Variants in PSTK observed in about 807,000 individuals in gnomAD.
The protein encoded by PSTK is L-seryl-tRNA(Sec) kinase.
A neutral mutation model predicts 38.6 loss-of-function variants in PSTK; 26 were observed. That is an observed-to-expected ratio of 0.67 (90% CI 0.49 to 0.94). PSTK has a LOEUF of 0.94. Ranked by LOEUF, PSTK falls within the 40% of genes least tolerant of loss-of-function variation. The pLI is 0.00. For synonymous variants in PSTK, 181 were observed against 161.7 expected (o/e 1.12, Z -0.91); for missense variants, 445 against 436.3 (o/e 1.02, Z -0.18).
intron 3 of PSTK, 57 bp downstream of exon 3, chr10:122,983,527 G>T: frequency 6.7e-7 from 1 of 1,497,526 alleles, no homozygotes; most frequent in Non-Finnish European, 9.2e-7. Context: ...ATCATGGTCA[G>T]TGCTTTGTCT....
chr10:122,984,517 T>C (rs1471259682), intron 3 of PSTK: 1 of 152,206 alleles, frequency 6.6e-6, no homozygotes, highest in Non-Finnish European at 1.5e-5. Flanking sequence ...CTTAAGGTTA[T>C]AGTTCCCTTA....
chr10:122,981,057 T>TC (rs539709351), intron 1 of PSTK, among the ~76,000 whole-genome samples: 1 of 152,144 alleles, frequency 6.6e-6, no homozygotes, highest in Non-Finnish European at 1.5e-5. Flanking sequence ...CTGTCGAAAA[T>TC]CCCTTAGGAA....
chr10:122,980,534 G>A lies in PSTK; in HGVS notation c.55G>A (p.Gly19Ser), dbSNP rs1848940501. 6.2e-7 allele frequency: 1 copy of A among 1,610,292 alleles called. No homozygotes were observed. Among genetic ancestry groups the A allele is most frequent in the Admixed American group, 1.7e-5 (1 of 59,912 alleles). Residue 19 changes from glycine (G) to serine (S), a missense_variant, in exon 1 of 6, where the codon GGC becomes AGC. By Grantham distance (56) the Gly-to-Ser change is moderately conservative. Coordinates refer to ENST00000406217, the MANE Select transcript of PSTK (RefSeq NM_001363531.2). This position sits in a 1 kb window ranked among gnomAD's most constrained non-coding sequence, Gnocchi z 4.3. ...CGGCAGCGACGGGCCGCGGAAACGA[G>A]GCCTCTGCGTCCTCTGTGGCCTCCC... ...GTGSDGPRKR[G>S]LCVLCGLPAA...
intron 1 of PSTK, 127 bp from the exon 2 acceptor site, chr10:122,982,606 G>A: frequency 1.4e-6 from 1 of 712,438 alleles, no homozygotes; most frequent in Non-Finnish European, 2.4e-6. Context: ...AACCAGGTGT[G>A]TTAGAGAACT....
At position 122,983,456 on chromosome 10, in the gene PSTK, T is replaced by G; in HGVS notation, c.693T>G (p.Cys231Trp). The G allele has an allele frequency of 6.2e-7, 1 of 1,613,196 alleles. No individual in the cohort carries two copies. The highest frequency in any genetic ancestry group is 2.2e-5 in the East Asian group (1 of 44,886). ...HNSLTIPSPACASEASLEVTD... is the reference protein window; with the variant it reads ...HNSLTIPSPAWASEASLEVTD... ...GCCTCACAATTCCGAGTCCAGCATG[T>G]GCTTCGGAGGCCAGGTATTCCACTC... The change falls in exon 3 of 6, where the codon TGT (cysteine) becomes TGG (tryptophan). Residue 231 changes from cysteine (C) to tryptophan (W), a missense_variant. Cys to Trp is a radical substitution (Grantham distance 215). Transcript: ENST00000406217.
chr10:122,986,831 CTA>C lies in PSTK; in HGVS notation c.784-36_784-35del, dbSNP rs749501693. The stretch of plus-strand genomic sequence containing the variant: ...TTCTTTAGCCATTTATTTTATAAAA[CTA>C]TGTGACTTCTAATAACAATGTCTGT... On this transcript the variant is annotated intron_variant, in intron 4 of 5. Coordinates refer to ENST00000406217, the MANE Select transcript of PSTK (RefSeq NM_001363531.2). 1.6e-5 allele frequency: 21 copies of C among 1,308,576 alleles called. No homozygotes were observed. The Admixed American group carries it at 1.6e-4, about 10-fold the overall frequency. 81.1% of individuals were successfully genotyped at this position (1,308,576 alleles called of 1,614,324 possible).
chr10:122,980,629 C>T lies in PSTK; in HGVS notation c.150C>T (p.Ile50=). 6.2e-7 allele frequency: 1 copy of T among 1,611,348 alleles called. No homozygotes were observed. The highest frequency in any genetic ancestry group is 8.5e-7 in the Non-Finnish European group (1 of 1,179,314). ...TGCAGCAGGAGCAGGGTTGGGCCAT[C>T]GGTGTTGTCGCGTATGATGACGTCA... is the stretch of plus-strand genomic sequence containing the variant. The part of the protein sequence containing the change: ...HRLQQEQGWA[I]GVVAYDDVMP... Residue 50 remains isoleucine (I), a synonymous_variant, in exon 1 of 6, where the codon ATC becomes ATT. Transcript: ENST00000406217. This position sits in a 1 kb window ranked among gnomAD's most constrained non-coding sequence, Gnocchi z 4.3.
At chr10:122,982,000 CCTCGTGTTTTCCCT>C (rs977620225) in intron 1 of PSTK, 1 of 152,158 alleles carries the variant, frequency 6.6e-6, no homozygotes, top group African/African-American at 2.4e-5. Flanking sequence ...ACTCCCCTGT[CCTCGTGTTTTCCCT>C]CCAGCTTAGA....
Position 122,986,923 on chromosome 10 carries a change from C to G in PSTK, c.838C>G (p.Leu280Val). 6.2e-7 allele frequency: 1 copy of G among 1,612,528 alleles called. No individual in the cohort carries two copies. Among genetic ancestry groups the G allele is most frequent in the South Asian group, 1.1e-5 (1 of 91,004 alleles). ...CATTCTTCATAAAACTGATCAGACA[C>G]TCCGAAGGATTGTATCTCAGACAAT... ...TNILHKTDQT[L>V]RRIVSQTMKE... Residue 280 changes from leucine to valine, a missense_variant, in exon 5 of 6, where the codon CTC becomes GTC. Leu to Val is a conservative substitution (Grantham distance 32). Coordinates refer to ENST00000406217, the MANE Select transcript of PSTK (RefSeq NM_001363531.2).
At position 122,982,733 on chromosome 10, in the gene PSTK, C is replaced by T. The variant is rs1848979126; in HGVS notation, c.217C>T (p.Pro73Ser). 3 of 1,613,782 alleles carry T rather than the reference C, an allele frequency of 1.9e-6. No homozygotes were observed. The highest frequency in any genetic ancestry group is 1.7e-6 in the Non-Finnish European group (2 of 1,179,748). The change falls in exon 2 of 6, where the codon CCA becomes TCA. Residue 73 changes from proline to serine, a missense_variant and splice_region_variant. Coordinates refer to ENST00000406217, the MANE Select transcript of PSTK (RefSeq NM_001363531.2). ...FLAGARARPA[P>S]SQWKLLRQEL... ...ATTGCAATTCTTTGGTCTCTTGTAG[C>T]CATCCCAATGGAAATTGCTTCGACA...
chr10:122,981,405 C>T (rs1333120183), intron 1 of PSTK, among the ~76,000 whole-genome samples: 3 of 152,208 alleles, frequency 2.0e-5, no homozygotes, highest in Non-Finnish European at 4.4e-5. Context: ...TCATCTCACA[C>T]TCAGCACAGT....
rs1227139048 is a variant in PSTK, at chr10:122,980,727, G to GGGCGGGGCGA, written c.216+41_216+42insAGGCGGGGCG. 2 of 793,572 alleles carry GGGCGGGGCGA rather than the reference G, an allele frequency of 2.5e-6. No homozygotes were observed. The highest frequency in any genetic ancestry group is 3.3e-6 in the Non-Finnish European group (2 of 613,406). The allele number at this position is 793,572 out of a possible 1,614,324, so 49.2% of individuals were successfully genotyped here. On this transcript the variant is annotated intron_variant, in intron 1 of 5. Coordinates refer to ENST00000406217, the MANE Select transcript of PSTK (RefSeq NM_001363531.2). The surrounding 1 kb of genome is among the most constrained non-coding windows in gnomAD (Gnocchi z 4.3). ...ACGGAGGGGCGGGGCCTGGGCCGCGGGGCGGGGCGGGGCGGGGCGGGGCGG... is the reference window on the plus strand; with the variant it reads ...ACGGAGGGGCGGGGCCTGGGCCGCGGGGCGGGGCGAGGCGGGGCGGGGCGGGGCGGGGCGG...
At chr10:122,985,745 T>C (rs1849023475) in intron 3 of PSTK, 1 of 151,828 alleles carries the variant, frequency 6.6e-6, no homozygotes, top group Non-Finnish European at 1.5e-5. Context: ...TCTTAGGAAA[T>C]TGGTATTTTT....
At chr10:122,989,492 T>C (rs1849091817) in intron 5 of PSTK, among the ~76,000 whole-genome samples, 2 of 152,114 alleles carry the variant, frequency 1.3e-5, no homozygotes. Context: ...CCTCAGGTGA[T>C]CCGCCCACCT....
At chr10:122,987,405 A>AG in intron 5 of PSTK, 1 of 1,614,216 alleles carries the variant, frequency 6.2e-7, no homozygotes, top group Non-Finnish European at 8.5e-7. Context: ...AGCTATCTGG[A>AG]GGATCATTCT....
intron 1 of PSTK, 71 bp from the exon 2 acceptor site, chr10:122,982,662 G>C: frequency 7.6e-7 from 1 of 1,320,208 alleles, no homozygotes; most frequent in Non-Finnish European, 1.1e-6. Context: ...ATGGGGCAGG[G>C]TGGCAGTGAG....
At chr10:122,988,074 A>G (rs1361558698) in intron 5 of PSTK, among the ~76,000 whole-genome samples, 2 of 152,240 alleles carry the variant, frequency 1.3e-5, no homozygotes, top group Admixed American at 6.5e-5. Context: ...TCATGTGTGG[A>G]AACAAGTTTC....
chr10:122,987,724 G>T (rs574992316), intron 5 of PSTK, among the ~76,000 whole-genome samples: 7 of 152,144 alleles, frequency 4.6e-5, no homozygotes, highest in African/African-American at 1.7e-4. Flanking sequence ...CTTTCTATAC[G>T]TTAAGCGCTT....
chr10:122,983,024 T>C lies in PSTK; in HGVS notation c.508T>C (p.Tyr170His). 6.2e-7 allele frequency: 1 copy of C among 1,601,642 alleles called. No homozygotes were observed. Among genetic ancestry groups the C allele is most frequent in the East Asian group, 2.2e-5 (1 of 44,772 alleles). The change falls in exon 2 of 6, where the codon TAT (tyrosine) becomes CAT (histidine). Residue 170 changes from tyrosine (Y) to histidine (H), a missense_variant and splice_region_variant. Transcript: ENST00000406217. ...RYEVYQLARK[Y>H]SLGFCQLFLD... is the part of the protein sequence containing the mutation. ...TGAAGTCTACCAGCTGGCTCGGAAATGTAATTAAAACTTTTTTTTTCTTAC... is the reference window on the plus strand; with the variant it reads ...TGAAGTCTACCAGCTGGCTCGGAAACGTAATTAAAACTTTTTTTTTCTTAC...
Sources: allele counts gnomAD v4.1 joint callset (sites outside exome capture counted in the v4.1 genomes callset), GRCh38; gene constraint gnomAD v4.1.1; non-coding constraint Gnocchi (gnomAD v3.1); transcripts MANE v1.5; gene names NCBI Gene and HGNC (gene_info 2026-07-23, HGNC 2026-07-21).